Variants in WDHD1 observed in about 807,000 individuals in gnomAD.
WDHD1 encodes WD repeat and HMG-box DNA binding protein 1.
Under a neutral mutation model 135.4 loss-of-function variants are expected in WDHD1, and 111 were observed. The observed-to-expected ratio is 0.82, with a 90% CI of 0.70 to 0.96. WDHD1 has a LOEUF of 0.96. WDHD1 is among the 40% of genes least tolerant of loss of function. The probability of loss-of-function intolerance (pLI) is 0.00; values close to 1 mark genes in which losing one functional copy is unlikely to be tolerated. For synonymous variants in WDHD1, 434 were observed against 439.0 expected (o/e 0.99, Z 0.14); for missense variants, 1,351 against 1,336.3 (o/e 1.01, Z -0.17).
intron 15 of WDHD1, 56 bp from the exon 16 acceptor site, chr14:54,981,752 C>G: frequency 1.6e-6 from 2 of 1,213,798 alleles, no homozygotes; most frequent in Non-Finnish European, 2.4e-6. Flanking sequence ...TTAAAGGAAC[C>G]CTATTTCAAA....
chr14:55,015,574 C>T (rs1042559846), intron 2 of WDHD1, among the ~76,000 whole-genome samples: 21 of 152,040 alleles, frequency 1.4e-4, no homozygotes, highest in Admixed American at 5.9e-4. Flanking sequence ...CAAATCCTTT[C>T]GGGGACAACA....
At chr14:54,954,389 C>T (rs909446513) in intron 24 of WDHD1, among the ~76,000 whole-genome samples, 14 of 152,178 alleles carry the variant, frequency 9.2e-5, no homozygotes, top group Admixed American at 6.5e-4. Flanking sequence ...AATAGGAATA[C>T]TCATATTGCT....
chr14:54,952,325 G>C (rs372810047), intron 24 of WDHD1, among the ~76,000 whole-genome samples: 40 of 152,170 alleles, frequency 2.6e-4, no homozygotes, highest in African/African-American at 9.6e-4. Flanking sequence ...TGCAAAAATC[G>C]CAAGCATTCT....
In WDHD1 at chr14:54,969,985, G is replaced by T. The variant is rs116865153; in HGVS notation, c.2064-2591C>A. Among the ~76,000 whole-genome samples the T allele has an allele frequency of 2.4e-4, 36 of 152,212 alleles. No individual in the cohort carries two copies. In the East Asian group the frequency reaches 6.8e-3, roughly 29 times the overall value. Reference sequence around the variant, plus strand: ...CTCAATAGATGCAGAAAAAGCTTTCGATAAAATTCAACATCCTTTCATAAT... The same window carrying T: ...CTCAATAGATGCAGAAAAAGCTTTCTATAAAATTCAACATCCTTTCATAAT... On this transcript the variant is annotated intron_variant, in intron 16 of 25. Coordinates refer to ENST00000360586, the MANE Select transcript of WDHD1 (RefSeq NM_007086.4).
At chr14:54,993,503 G>C (rs961351886) in intron 11 of WDHD1, among the ~76,000 whole-genome samples, 9 of 152,150 alleles carry the variant, frequency 5.9e-5, no homozygotes, top group South Asian at 2.1e-4. Flanking sequence ...TTTAGGAAAC[G>C]ATCATCTTCT....
chr14:55,017,770 C>T (rs1366700192), intron 2 of WDHD1, among the ~76,000 whole-genome samples: 1 of 152,164 alleles, frequency 6.6e-6, no homozygotes, highest in African/African-American at 2.4e-5. Context: ...AGAAGCCATA[C>T]TTGTCAAATT....
chr14:54,955,752 A>T, intron 23 of WDHD1, 58 bp from the exon 24 acceptor site: 1 of 1,325,348 alleles, frequency 7.5e-7, no homozygotes, highest in Non-Finnish European at 9.8e-7. Flanking sequence ...TATGTTTTAT[A>T]AGCACGTTCT....
chr14:55,015,699 A>ATT (rs35102727), intron 2 of WDHD1, among the ~76,000 whole-genome samples: 72 of 143,280 alleles, frequency 5.0e-4, no homozygotes, highest in Non-Finnish European at 7.8e-4. Flanking sequence ...TTCCAATGGA[A>ATT]TTTTTTTTTT....
chr14:54,947,375 G>A (rs887958798), intron 24 of WDHD1, among the ~76,000 whole-genome samples: 9 of 151,902 alleles, frequency 5.9e-5, no homozygotes, highest in African/African-American at 9.7e-5. Context: ...CACTATGCCC[G>A]GCCTATCAAT....
In WDHD1 at chr14:54,963,115, G is replaced by C. The variant is rs1346935290; in HGVS notation, c.2368C>G (p.Gln790Glu). 7.3e-7 allele frequency: 1 copy of C among 1,375,628 alleles called. No individual in the cohort carries two copies. The highest frequency in any genetic ancestry group is 4.2e-5 in the East Asian group (1 of 23,766). The allele number at this position is 1,375,628 out of a possible 1,614,324, so 85.2% of individuals were successfully genotyped here. A position where few individuals can be genotyped will look rare whatever the true frequency, so the allele number is the denominator to read the frequency against. ...RCVELADLMT[Q>E]NAVNLAIKYA... ...TTAATGGCTAAATTCACAGCATTTT[G>C]AGTCATTAGATCAGCAAGTTCCACA... The change falls in exon 19 of 26, where the codon CAA (glutamine) becomes GAA (glutamate). Residue 790 changes from glutamine to glutamate, a missense_variant. Gln to Glu is a conservative substitution (Grantham distance 29). Transcript: ENST00000360586.
At chr14:55,006,926 A>T (rs932763756) in intron 7 of WDHD1, among the ~76,000 whole-genome samples, 1 of 152,114 alleles carries the variant, frequency 6.6e-6, no homozygotes, top group African/African-American at 2.4e-5. Flanking sequence ...AATAAAACAA[A>T]GGTTAAAAAT....
intron 18 of WDHD1, 33 bp downstream of exon 18, chr14:54,966,442 C>T (rs1183396254): frequency 2.5e-6 from 4 of 1,578,744 alleles, no homozygotes; most frequent in Non-Finnish European, 3.4e-6. Context: ...AAGCATTTAA[C>T]TTTAACGTTT....
Position 54,998,672 on chromosome 14 carries a change from A to C in WDHD1, c.942+1831T>G, listed in dbSNP as rs115186442. On this transcript the variant is annotated intron_variant, in intron 10 of 25. Transcript: ENST00000360586. ...TTAATCATTGTGTTTAACAGATCCT[A>C]TTAACTTCCATCTATGGCAGATGAG... 5.3e-3 allele frequency among the ~76,000 whole-genome samples: 803 copies of C among 151,742 alleles called. 10 individuals carry two copies. Among genetic ancestry groups the C allele is most frequent in the African/African-American group, 0.018 (758 of 41,362 alleles).
chr14:54,986,549 A>G (rs1363059250), intron 14 of WDHD1, among the ~76,000 whole-genome samples: 2 of 152,156 alleles, frequency 1.3e-5, no homozygotes, highest in East Asian at 3.8e-4. Context: ...CCTGACCTAG[A>G]GAGTAGTAGA....
At chr14:54,994,152 G>A (rs529463381) in intron 11 of WDHD1, among the ~76,000 whole-genome samples, 12 of 152,162 alleles carry the variant, frequency 7.9e-5, no homozygotes, top group Non-Finnish European at 1.6e-4. Flanking sequence ...TAGCATGTAA[G>A]TTGTTACAAT....
chr14:54,948,023 C>G (rs1323735736), intron 24 of WDHD1, among the ~76,000 whole-genome samples: 1 of 151,840 alleles, frequency 6.6e-6, no homozygotes, highest in Non-Finnish European at 1.5e-5. Context: ...TGAGACCAGC[C>G]TGACCAACAT....
chr14:54,984,812 A>G lies in WDHD1; in HGVS notation c.1817T>C (p.Leu606Pro), dbSNP rs1377309922. Residue 606 changes from leucine (L) to proline (P), a missense_variant, in exon 15 of 26, where the codon CTG (leucine) becomes CCG (proline). Coordinates refer to ENST00000360586, the MANE Select transcript of WDHD1 (RefSeq NM_007086.4). ...CAAAATTTGTTTTTTCTTTTTCCCC[A>G]GCTCTAGCAGTTGAACTCCAAGGCA... Reference protein sequence around the residue: ...DQCLGVQLLELGKKKKQILHG... With the variant: ...DQCLGVQLLEPGKKKKQILHG... 6.2e-7 allele frequency: 1 copy of G among 1,613,896 alleles called. No individual in the cohort carries two copies. The highest frequency in any genetic ancestry group is 1.7e-5 in the Admixed American group (1 of 59,982).
chr14:55,026,398 G>A (rs191609912), intron 2 of WDHD1, among the ~76,000 whole-genome samples: 22 of 152,282 alleles, frequency 1.4e-4, no homozygotes, highest in African/African-American at 4.1e-4. Flanking sequence ...ACAGGCCACT[G>A]AATTTGACAA....
intron 2 of WDHD1, among the ~76,000 whole-genome samples, chr14:55,023,999 T>C (rs2042391646): frequency 2.6e-5 from 4 of 152,236 alleles, no homozygotes. Flanking sequence ...TCTACATAGA[T>C]TTTATGCACT....
Sources: allele counts gnomAD v4.1 joint callset (sites outside exome capture counted in the v4.1 genomes callset), GRCh38; gene constraint gnomAD v4.1.1; transcripts MANE v1.5; gene names NCBI Gene and HGNC (gene_info 2026-07-23, HGNC 2026-07-21).